Variants in TMEM161B observed in about 807,000 individuals in gnomAD.
TMEM161B encodes transmembrane protein 161B.
Under a neutral mutation model 61.8 loss-of-function variants are expected in TMEM161B, and 34 were observed. The observed-to-expected ratio is 0.55, with a 90% confidence interval of 0.42 to 0.73. TMEM161B has a LOEUF of 0.73. TMEM161B is among the 30% of genes least tolerant of loss of function. The pLI is 0.00. For synonymous variants in TMEM161B, 167 were observed against 192.8 expected (o/e 0.87, Z 1.11); for missense variants, 456 against 558.5 (o/e 0.82, Z 1.85).
intron 1 of TMEM161B, among the ~76,000 whole-genome samples, chr5:88,244,314 T>G (rs1054844023): frequency 5.9e-5 from 9 of 151,662 alleles, no homozygotes; most frequent in Non-Finnish European, 1.0e-4. Context: ...TTTTTGTACA[T>G]GGTGTAAGGA....
intron 1 of TMEM161B, among the ~76,000 whole-genome samples, chr5:88,252,051 A>T (rs965850224): frequency 6.6e-6 from 1 of 152,210 alleles, no homozygotes; most frequent in Non-Finnish European, 1.5e-5. Flanking sequence ...ACATATTAAA[A>T]TAATATTTGA....
At chr5:88,188,131 T>C (rs1462110057), downstream of TMEM161B, among the ~76,000 whole-genome samples, 4 of 151,974 alleles carry the variant, frequency 2.6e-5, no homozygotes, top group East Asian at 5.8e-4. Context: ...GGAGACATGG[T>C]TTCACTCTTG....
In TMEM161B at chr5:88,207,475, T is replaced by C. The variant is rs558466036; in HGVS notation, c.447-295A>G. ...GGTTATTCTAGAGAACTGTCTTTAT[T>C]AGGCATGTCTGTTAAACCAGTTTAC... On this transcript the variant is annotated intron_variant, in intron 5 of 11. Transcript: ENST00000296595. 7.9e-5 allele frequency among the ~76,000 whole-genome samples: 12 copies of C among 152,282 alleles called. No homozygotes were observed. In the South Asian group the frequency reaches 1.9e-3, roughly 24 times the overall value.
chr5:88,245,651 A>G (rs929410455), intron 1 of TMEM161B, among the ~76,000 whole-genome samples: 4 of 152,010 alleles, frequency 2.6e-5, no homozygotes, highest in African/African-American at 7.2e-5. Flanking sequence ...ACTACTAGTT[A>G]TAACTGTTAA....
chr5:88,221,849 A>G, intron 4 of TMEM161B: 1 of 420,618 alleles, frequency 2.4e-6, no homozygotes, highest in South Asian at 1.7e-5. Context: ...GCTTTGGACA[A>G]TTTTTAGTCA....
At chr5:88,221,717 C>G (rs1274710412) in intron 4 of TMEM161B, 3 of 455,942 alleles carry the variant, frequency 6.6e-6, no homozygotes, top group Admixed American at 2.3e-5. Context: ...TTACTTCTAC[C>G]AGAGTGTAGT....
Position 88,198,983 on chromosome 5 carries a change from T to C in TMEM161B, c.1082A>G (p.Gln361Arg), listed in dbSNP as rs766351143. The part of the protein sequence containing the change: ...EAGRISTVEL[Q>R]KMVARVFYYL... Reference sequence around the variant, plus strand: ...CTAGGGTATAAAACTTACCATTTTCTGTAGCTCAACCGTGCTTATTCGCCC... The same window carrying C: ...CTAGGGTATAAAACTTACCATTTTCCGTAGCTCAACCGTGCTTATTCGCCC... The change falls in exon 10 of 12, where the codon CAG becomes CGG. Residue 361 changes from glutamine to arginine, a missense_variant. Physicochemically the swap from Gln to Arg is conservative, Grantham distance 43. Transcript: ENST00000296595. The C allele has an allele frequency of 2.5e-6, 4 of 1,611,728 alleles. No homozygotes were observed. The highest frequency in any genetic ancestry group is 3.4e-6 in the Non-Finnish European group (4 of 1,178,996).
At chr5:88,192,291 T>C (rs1749035489), downstream of TMEM161B, among the ~76,000 whole-genome samples, 1 of 151,538 alleles carries the variant, frequency 6.6e-6, no homozygotes, top group African/African-American at 2.4e-5. Flanking sequence ...TCTGATCCAT[T>C]AAAAATAGGC....
exon 13 of TMEM161B, chr5:88,189,652 G>A (rs1442629330): frequency 6.1e-6 from 1 of 163,638 alleles, no homozygotes; most frequent in African/African-American, 2.4e-5. Flanking sequence ...GGCTGAGATT[G>A]TGTAATTTTT....
downstream of TMEM161B, among the ~76,000 whole-genome samples, chr5:88,193,360 G>C (rs1456032790): frequency 6.6e-6 from 1 of 152,024 alleles, no homozygotes; most frequent in Non-Finnish European, 1.5e-5. Flanking sequence ...ATTGACTAAA[G>C]TATAACATAC....
intron 1 of TMEM161B, among the ~76,000 whole-genome samples, chr5:88,256,874 A>C (rs931354770): frequency 6.6e-6 from 1 of 152,276 alleles, no homozygotes; most frequent in African/African-American, 2.4e-5. Flanking sequence ...ATTCACTTTA[A>C]GAGTAAAAGA....
chr5:88,249,474 A>AT (rs1388470813), intron 1 of TMEM161B, among the ~76,000 whole-genome samples: 2 of 152,134 alleles, frequency 1.3e-5, no homozygotes, highest in Non-Finnish European at 2.9e-5. Flanking sequence ...GGAATACAAG[A>AT]TTTCTAAAAT....
At chr5:88,246,224 A>G (rs1053462062) in intron 1 of TMEM161B, among the ~76,000 whole-genome samples, 3 of 151,772 alleles carry the variant, frequency 2.0e-5, no homozygotes, top group Admixed American at 1.3e-4. Flanking sequence ...TCTTCTATAT[A>G]AGTCAACAGA....
chr5:88,192,399 G>A (rs1561287977), downstream of TMEM161B, among the ~76,000 whole-genome samples: 1 of 151,820 alleles, frequency 6.6e-6, no homozygotes, highest in Non-Finnish European at 1.5e-5. Flanking sequence ...CCCCACCTTA[G>A]GAACAAAACA....
At chr5:88,232,887 T>G (rs936724106) in intron 2 of TMEM161B, among the ~76,000 whole-genome samples, 2 of 152,254 alleles carry the variant, frequency 1.3e-5, no homozygotes, top group African/African-American at 4.8e-5. Flanking sequence ...AGACACATTT[T>G]CTTTTTAAAT....
Position 88,196,345 on chromosome 5 carries a change from T to G in TMEM161B, c.1330A>C (p.Ser444Arg), listed in dbSNP as rs1468377194. The G allele has an allele frequency of 1.9e-6, 3 of 1,613,438 alleles. No homozygotes were observed. Among genetic ancestry groups the G allele is most frequent in the Non-Finnish European group, 1.7e-6 (2 of 1,179,588 alleles). Reference protein sequence around the residue: ...VTVTQITVALSSLKNIFTPLL... With the variant: ...VTVTQITVALRSLKNIFTPLL... ...GGAGTAAAAATATTTTTTAAGCTGC[T>G]CAGTGCCACTGTTATTTGTGTAACA... The change falls in exon 12 of 12, where the codon AGC (serine) becomes CGC (arginine). Residue 444 changes from serine to arginine, a missense_variant. This residue lies in a region of TMEM161B where 367 missense variants were observed against 427.3 expected (regional missense o/e 0.86). Transcript: ENST00000296595.
chr5:88,245,046 T>TGTGG (rs1453672456), intron 1 of TMEM161B, among the ~76,000 whole-genome samples: 2 of 151,822 alleles, frequency 1.3e-5, no homozygotes, highest in Non-Finnish European at 2.9e-5. Context: ...GGGCACAGAC[T>TGTGG]GTGGGGTTTT....
chr5:88,215,104 G>C (rs902112473), intron 5 of TMEM161B, among the ~76,000 whole-genome samples: 1 of 152,308 alleles, frequency 6.6e-6, no homozygotes, highest in South Asian at 2.1e-4. Context: ...TAAGTGAACT[G>C]ATTTTTAAAG....
chr5:88,188,479 T>C (rs888396315), downstream of TMEM161B, among the ~76,000 whole-genome samples: 3 of 152,320 alleles, frequency 2.0e-5, no homozygotes, highest in South Asian at 6.2e-4. Flanking sequence ...ATAATTTCAG[T>C]ATTTTTACAT....
Sources: allele counts gnomAD v4.1 joint callset (sites outside exome capture counted in the v4.1 genomes callset), GRCh38; gene constraint gnomAD v4.1.1; regional missense constraint gnomAD v4.1.1; transcripts MANE v1.5; gene names NCBI Gene and HGNC (gene_info 2026-07-23, HGNC 2026-07-21).